RNF111: variants seen among roughly 807,000 people sequenced by gnomAD.
RNF111 encodes the protein E3 ubiquitin-protein ligase Arkadia.
A neutral mutation model predicts 95.1 loss-of-function variants in RNF111; 17 were observed. The ratio of observed to expected loss-of-function variants is 0.18; its 90% CI spans 0.12 to 0.27. The LOEUF (loss-of-function observed/expected upper bound fraction) is 0.27, where lower values mean the gene tolerates loss of function less well. Ranked by LOEUF, RNF111 falls within the 10% of genes least tolerant of loss-of-function variation. RNF111 has a pLI of 1.00. For missense variants in RNF111, 1,189 were observed against 1,210.4 expected (o/e 0.98, Z 0.26); for synonymous variants, 440 against 414.8 (o/e 1.06, Z -0.74).
At chr15:58,994,616 T>G (rs1160534430) in intron 1 of RNF111, among the ~76,000 whole-genome samples, 6 of 151,438 alleles carry the variant, frequency 4.0e-5, no homozygotes, top group Non-Finnish European at 8.8e-5. Context: ...TAGCTGAGAT[T>G]ATAGGTGCCC....
chr15:59,080,010 A>C (rs541167496), intron 7 of RNF111, among the ~76,000 whole-genome samples: 1 of 152,248 alleles, frequency 6.6e-6, no homozygotes, highest in Admixed American at 6.5e-5. Context: ...GATAATTCTG[A>C]GAACACATAC....
chr15:59,055,171 A>G (rs1369763984), intron 3 of RNF111, among the ~76,000 whole-genome samples: 2 of 152,158 alleles, frequency 1.3e-5, no homozygotes, highest in Admixed American at 1.3e-4. Flanking sequence ...CCTTACCTCT[A>G]CACATCAGGA....
chr15:59,036,074 A>T (rs2041161889), intron 2 of RNF111, among the ~76,000 whole-genome samples: 1 of 151,858 alleles, frequency 6.6e-6, no homozygotes, highest in East Asian at 1.9e-4. Flanking sequence ...TTCTATTTTT[A>T]TTTATTTATT....
intron 2 of RNF111, among the ~76,000 whole-genome samples, chr15:59,051,398 C>G (rs2041974203): frequency 6.8e-6 from 1 of 146,326 alleles, no homozygotes; most frequent in South Asian, 2.1e-4. Flanking sequence ...GCGGAGCTTG[C>G]AGTGAGCAGA....
At position 59,097,401 on chromosome 15, in the gene RNF111, A is replaced by G. The variant is rs1416008955; in HGVS notation, c.*2501A>G. Reference sequence around the variant, plus strand: ...ATTTGAACCATAACAGTTGTGATAAACTGATCGTTTGAAACGTTTTTCTTA... The same window carrying G: ...ATTTGAACCATAACAGTTGTGATAAGCTGATCGTTTGAAACGTTTTTCTTA... On this transcript the variant is annotated 3_prime_UTR_variant, in exon 14 of 14. Coordinates refer to ENST00000348370, the MANE Select transcript of RNF111 (RefSeq NM_017610.8). 1.3e-5 allele frequency: 2 copies of G among 152,214 alleles called. No individual in the cohort carries two copies. The highest frequency in any genetic ancestry group is 4.8e-5 in the African/African-American group (2 of 41,444). 9.4% of individuals were successfully genotyped at this position (152,214 alleles called of 1,614,324 possible). A position where few individuals can be genotyped will look rare whatever the true frequency, so the allele number is the denominator to read the frequency against.
chr15:59,039,721 A>ATT (rs113202002), intron 2 of RNF111, among the ~76,000 whole-genome samples: 13 of 143,406 alleles, frequency 9.1e-5, no homozygotes, highest in African/African-American at 3.1e-4. Flanking sequence ...AGAACTCCTG[A>ATT]TTTTTTTTTT....
Position 59,096,177 on chromosome 15 carries a change from C to T in RNF111, c.*1277C>T, listed in dbSNP as rs1280503787. 1 of 397,386 alleles carries T rather than the reference C, an allele frequency of 2.5e-6. No individual in the cohort carries two copies. The highest frequency in any genetic ancestry group is 4.4e-6 in the Non-Finnish European group (1 of 225,332). The allele number at this position is 397,386 out of a possible 1,614,324, so 24.6% of individuals were successfully genotyped here. A position where few individuals can be genotyped will look rare whatever the true frequency, so the allele number is the denominator to read the frequency against. On this transcript the variant is annotated 3_prime_UTR_variant, in exon 14 of 14. Coordinates refer to ENST00000348370, the MANE Select transcript of RNF111 (RefSeq NM_017610.8). The stretch of plus-strand genomic sequence containing the variant: ...GTTAAGTTAACATACTAACATTTCT[C>T]CTTTGGAGGAAGTTTTAATCTACTT...
chr15:58,998,566 A>C (rs144835824), intron 1 of RNF111, among the ~76,000 whole-genome samples: 242 of 152,330 alleles, frequency 1.6e-3, no homozygotes, highest in African/African-American at 5.5e-3. Flanking sequence ...CAAACTAGTC[A>C]CTTCTTTCAT....
At position 59,095,206 on chromosome 15, in the gene RNF111, A is replaced by G. The variant is rs1006033460; in HGVS notation, c.*306A>G. Reference sequence around the variant, plus strand: ...GCTTGTGACCCTAAACTTGCAGGCAAGGTTAGCTGCTTTAGTAAGTAGAAT... The same window carrying G: ...GCTTGTGACCCTAAACTTGCAGGCAGGGTTAGCTGCTTTAGTAAGTAGAAT... On this transcript the variant is annotated 3_prime_UTR_variant, in exon 14 of 14. Transcript: ENST00000348370. 10 of 274,072 alleles carry G rather than the reference A, an allele frequency of 3.6e-5. No homozygotes were observed. Among genetic ancestry groups the G allele is most frequent in the Non-Finnish European group, 5.5e-5 (8 of 144,344 alleles). 17.0% of individuals were successfully genotyped at this position (274,072 alleles called of 1,614,324 possible).
At chr15:59,013,331 C>A (rs545783699) in intron 1 of RNF111, among the ~76,000 whole-genome samples, 1 of 152,218 alleles carries the variant, frequency 6.6e-6, no homozygotes, top group Non-Finnish European at 1.5e-5. Flanking sequence ...CACATTGATA[C>A]ATCACTGTTA....
At chr15:58,997,793 C>T (rs1266163171) in intron 1 of RNF111, among the ~76,000 whole-genome samples, 14 of 148,108 alleles carry the variant, frequency 9.5e-5, no homozygotes, top group African/African-American at 7.5e-5. Flanking sequence ...TCCAGCCTGG[C>T]GACAGTGTGA....
chr15:59,025,323 T>TA (rs1419340117), intron 1 of RNF111, among the ~76,000 whole-genome samples: 1 of 152,250 alleles, frequency 6.6e-6, no homozygotes, highest in East Asian at 1.9e-4. Flanking sequence ...TGTGTACTCC[T>TA]AGCAGAAATC....
chr15:59,058,586 C>A (rs756921097), intron 5 of RNF111, 36 bp downstream of exon 5: 3 of 1,565,678 alleles, frequency 1.9e-6, no homozygotes, highest in Non-Finnish European at 2.6e-6. Flanking sequence ...GACTTTTTGT[C>A]ATTACTTTCG....
intron 13 of RNF111, among the ~76,000 whole-genome samples, chr15:59,094,531 T>A (rs1275442799): frequency 6.6e-6 from 1 of 152,166 alleles, no homozygotes; most frequent in Admixed American, 6.5e-5. Flanking sequence ...CTGGAATAAT[T>A]GGCAGTGTAA....
At chr15:59,076,455 C>G (rs1327826945) in intron 7 of RNF111, among the ~76,000 whole-genome samples, 4 of 152,104 alleles carry the variant, frequency 2.6e-5, no homozygotes, top group African/African-American at 9.7e-5. Flanking sequence ...AGTAGTATTT[C>G]TAGGCACAGT....
chr15:59,053,256 C>T (rs1302854329), intron 3 of RNF111, among the ~76,000 whole-genome samples: 2 of 152,136 alleles, frequency 1.3e-5, no homozygotes, highest in Non-Finnish European at 2.9e-5. Flanking sequence ...TGCGGAATCA[C>T]TTTGACTCTC....
chr15:59,052,351 C>G lies in RNF111; in HGVS notation c.927C>G (p.Pro309=). Residue 309 remains proline, a synonymous_variant, in exon 3 of 14, where the codon CCC becomes CCG. Transcript: ENST00000348370. ...DVVVIEASST[P]QVTANEEINV... is the part of the protein sequence containing the mutation. The stretch of plus-strand genomic sequence containing the variant: ...TGGTGATAGAAGCTTCCTCCACTCC[C>G]CAGGTTACTGCCAATGAAGAAATTA... 2.5e-6 allele frequency: 4 copies of G among 1,606,560 alleles called. No individual in the cohort carries two copies. Among genetic ancestry groups the G allele is most frequent in the Non-Finnish European group, 3.4e-6 (4 of 1,176,890 alleles).
intron 6 of RNF111, among the ~76,000 whole-genome samples, 178 bp downstream of exon 6, chr15:59,067,261 CT>C (rs1426993375): frequency 1.6e-4 from 12 of 77,390 alleles, no homozygotes; most frequent in East Asian, 1.3e-3. Context: ...TTTTAACTCC[CT>C]CCCATTCTTC....
rs373162379 is a variant in RNF111 at position 59,055,732 on chromosome 15, G to C, written c.1058G>C (p.Ser353Thr). 6.2e-7 allele frequency: 1 copy of C among 1,613,908 alleles called. No individual in the cohort carries two copies. Among genetic ancestry groups the C allele is most frequent in the Non-Finnish European group, 8.5e-7 (1 of 1,179,894 alleles). The change falls in exon 4 of 14, where the codon AGT (serine) becomes ACT (threonine). Residue 353 changes from serine to threonine, a missense_variant. Physicochemically the swap from Ser to Thr is moderately conservative, Grantham distance 58 (BLOSUM62 1). This residue lies in a region of RNF111 where 1,024 missense variants were observed against 925.9 expected (regional missense o/e 1.11). Coordinates refer to ENST00000348370, the MANE Select transcript of RNF111 (RefSeq NM_017610.8). ...AGATCTCATTGGAGCCAGGGTTCCAGTTCTCATGCAAGTCGGCCACAGGAG... is the reference window on the plus strand; with the variant it reads ...AGATCTCATTGGAGCCAGGGTTCCACTTCTCATGCAAGTCGGCCACAGGAG... ...HSRSHWSQGS[S>T]SHASRPQEPR...
Sources: gnomAD v4.1 joint callset for allele counts (sites outside exome capture counted in the v4.1 genomes callset) on GRCh38, gnomAD v4.1.1 for gene constraint, gnomAD v4.1.1 regional missense constraint, MANE v1.5 for transcripts, NCBI Gene and HGNC (gene_info 2026-07-23, HGNC 2026-07-21) for gene names.